SOX6: variants seen among roughly 807,000 people sequenced by gnomAD.
SOX6 encodes the protein SRY-box transcription factor 6.
A neutral mutation model predicts 97.8 loss-of-function variants in SOX6; 11 were observed. That is an observed-to-expected ratio of 0.11 (90% CI 0.07 to 0.19). The LOEUF (loss-of-function observed/expected upper bound fraction) is 0.19. Ranked by LOEUF, SOX6 falls within the 10% of genes least tolerant of loss-of-function variation. The pLI is 1.00. For missense variants in SOX6, 810 were observed against 1,039.5 expected, an observed-to-expected ratio of 0.78 and a Z score of 3.04; for synonymous variants, 360 against 371.4, an observed-to-expected ratio of 0.97 and a Z score of 0.35.
intron 3 of SOX6, among the ~76,000 whole-genome samples, chr11:16,684,013 A>G (rs573828667): frequency 1.6e-3 from 246 of 152,368 alleles, no homozygotes; most frequent in Middle Eastern, 0.014. Context: ...TCATCAGAGA[A>G]ATGCAAATCA....
At chr11:16,027,728 C>T (rs781049752) in intron 12 of SOX6, among the ~76,000 whole-genome samples, 2 of 152,190 alleles carry the variant, frequency 1.3e-5, no homozygotes, top group African/African-American at 2.4e-5. Flanking sequence ...AACAATAATA[C>T]AGGATGCCTC....
chr11:16,086,690 A>G (rs980611152), intron 9 of SOX6, among the ~76,000 whole-genome samples: 8 of 152,284 alleles, frequency 5.3e-5, no homozygotes, highest in Non-Finnish European at 7.4e-5. Context: ...TCAAAAAAAC[A>G]GGGTTCTGGC....
At chr11:16,570,229 T>G (rs1472980693) in intron 4 of SOX6, among the ~76,000 whole-genome samples, 1 of 152,194 alleles carries the variant, frequency 6.6e-6, no homozygotes, top group East Asian at 1.9e-4. Flanking sequence ...CTAACAACTA[T>G]TAAATTCATT....
intron 4 of SOX6, among the ~76,000 whole-genome samples, chr11:16,220,828 C>T (rs1852516865): frequency 6.6e-6 from 1 of 152,024 alleles, no homozygotes; most frequent in South Asian, 2.1e-4. Flanking sequence ...ATAAACAGAT[C>T]AATTTATACC....
At chr11:16,560,825 G>A (rs945046012) in intron 4 of SOX6, among the ~76,000 whole-genome samples, 4 of 152,204 alleles carry the variant, frequency 2.6e-5, no homozygotes, top group Middle Eastern at 3.4e-3. Flanking sequence ...TCTTTTTATG[G>A]CTGAGTAGTA....
At chr11:16,626,060 A>G (rs1042870404) in intron 3 of SOX6, among the ~76,000 whole-genome samples, 5 of 152,132 alleles carry the variant, frequency 3.3e-5, no homozygotes, top group African/African-American at 1.2e-4. Flanking sequence ...CTCTTAACCT[A>G]TGGAAGCTGA....
intron 1 of SOX6, among the ~76,000 whole-genome samples, chr11:16,411,853 G>A (rs1186667046): frequency 6.6e-6 from 1 of 152,100 alleles, no homozygotes; most frequent in Non-Finnish European, 1.5e-5. Flanking sequence ...CTAAACTAGT[G>A]AGAGCTTTAA....
chr11:16,400,767 T>C (rs1858533874), intron 1 of SOX6, among the ~76,000 whole-genome samples: 1 of 151,516 alleles, frequency 6.6e-6, no homozygotes, highest in African/African-American at 2.4e-5. Context: ...ACATGTTCTT[T>C]CTTCTCATAC....
intron 6 of SOX6, among the ~76,000 whole-genome samples, chr11:16,135,432 C>T (rs1170845247): frequency 6.6e-6 from 1 of 152,108 alleles, no homozygotes; most frequent in African/African-American, 2.4e-5. Context: ...TTCTAGATGA[C>T]ATTAAAAACA....
At chr11:16,106,483 G>A (rs532656122) in intron 7 of SOX6, among the ~76,000 whole-genome samples, 1 of 151,898 alleles carries the variant, frequency 6.6e-6, no homozygotes, top group Non-Finnish European at 1.5e-5. Flanking sequence ...ATTGAATGGG[G>A]GAAGGGATAG....
intron 3 of SOX6, chr11:16,312,113 C>T (rs112851642): frequency 6.6e-6 from 1 of 152,080 alleles, no homozygotes; most frequent in African/African-American, 2.4e-5. Flanking sequence ...GCACACAATT[C>T]CACTGGGCAA....
intron 1 of SOX6, among the ~76,000 whole-genome samples, chr11:16,401,318 T>C (rs1238786033): frequency 1.3e-5 from 2 of 151,578 alleles, no homozygotes; most frequent in East Asian, 3.9e-4. Context: ...TGCTGTTTGT[T>C]GTTTGTTTTT....
chr11:16,146,635 A>T (rs1300436980), intron 6 of SOX6, among the ~76,000 whole-genome samples: 5 of 152,202 alleles, frequency 3.3e-5, no homozygotes, highest in South Asian at 2.1e-4. Flanking sequence ...GAATCTACAA[A>T]GAACTCAAAC....
chr11:16,521,936 A>T (rs1032078402), intron 4 of SOX6, among the ~76,000 whole-genome samples: 1 of 152,238 alleles, frequency 6.6e-6, no homozygotes, highest in African/African-American at 2.4e-5. Context: ...AGAAAAAAAG[A>T]ATAAGAACAA....
At chr11:16,176,067 G>A (rs899230650) in intron 6 of SOX6, among the ~76,000 whole-genome samples, 16 of 113,606 alleles carry the variant, frequency 1.4e-4, no homozygotes, top group South Asian at 3.7e-4. Flanking sequence ...ACAGACGGAC[G>A]GACGGATGGA....
chr11:16,575,787 G>A (rs536122319), intron 4 of SOX6, among the ~76,000 whole-genome samples: 1 of 152,288 alleles, frequency 6.6e-6, no homozygotes, highest in East Asian at 1.9e-4. Flanking sequence ...GAGTATGGGG[G>A]TGTAATTGGG....
At chr11:16,565,997 G>A (rs1295491008) in intron 4 of SOX6, among the ~76,000 whole-genome samples, 8 of 151,616 alleles carry the variant, frequency 5.3e-5, no homozygotes, top group African/African-American at 1.9e-4. Context: ...TCGAGAGGCT[G>A]AGGCAGGAGA....
chr11:16,647,963 A>G (rs1849038301), intron 3 of SOX6, among the ~76,000 whole-genome samples: 1 of 152,136 alleles, frequency 6.6e-6, no homozygotes, highest in Admixed American at 6.5e-5. Context: ...GGGTGAAGGA[A>G]GTTTCCAACT....
intron 3 of SOX6, among the ~76,000 whole-genome samples, chr11:16,244,906 T>C (rs1853293612): frequency 6.6e-6 from 1 of 151,812 alleles, no homozygotes; most frequent in Non-Finnish European, 1.5e-5. Context: ...TAAGAATTTG[T>C]TCTTCTATTT....
Sources: gnomAD v4.1 joint callset for allele counts (sites outside exome capture counted in the v4.1 genomes callset) on GRCh38, gnomAD v4.1.1 for gene constraint, MANE v1.5 for transcripts, NCBI Gene and HGNC (gene_info 2026-07-23, HGNC 2026-07-21) for gene names.